NCAM2: variants seen among roughly 807,000 people sequenced by gnomAD.
NCAM2 encodes N-CAM-2.
Under a neutral mutation model 98.1 loss-of-function variants are expected in NCAM2, and 30 were observed. That is an observed-to-expected ratio of 0.31 (90% CI 0.23 to 0.41). NCAM2 has a LOEUF of 0.41. NCAM2 is among the 10% of genes least tolerant of loss of function. The pLI, the probability that NCAM2 is intolerant of heterozygous loss-of-function variation, is 1.00. For missense variants in NCAM2, 867 were observed against 1,005.8 expected, an observed-to-expected ratio of 0.86 and a Z score of 1.87; for synonymous variants, 368 against 342.4, an observed-to-expected ratio of 1.07 and a Z score of -0.83.
intron 1 of NCAM2, among the ~76,000 whole-genome samples, chr21:21,244,253 G>T (rs922087846): frequency 3.9e-5 from 6 of 151,984 alleles, no homozygotes; most frequent in African/African-American, 1.4e-4. Context: ...ACCTTTTGTT[G>T]CTCCCAAGAA....
chr21:21,465,762 G>T (rs920004536), intron 12 of NCAM2, among the ~76,000 whole-genome samples: 2 of 151,894 alleles, frequency 1.3e-5, no homozygotes, highest in African/African-American at 4.8e-5. Context: ...TTTTCATCAA[G>T]ATATTGTTAT....
chr21:21,081,198 C>T (rs2146405118), intron 1 of NCAM2, among the ~76,000 whole-genome samples: 1 of 152,200 alleles, frequency 6.6e-6, no homozygotes, highest in South Asian at 2.1e-4. Flanking sequence ...CGGCTGAATG[C>T]TCCTAGGAGG....
At chr21:21,369,964 C>A (rs2075877968) in intron 8 of NCAM2, among the ~76,000 whole-genome samples, 1 of 151,596 alleles carries the variant, frequency 6.6e-6, no homozygotes, top group African/African-American at 2.4e-5. Context: ...ACTCATGCAA[C>A]TGCACAGATT....
chr21:21,194,752 G>T (rs879747780), intron 1 of NCAM2, among the ~76,000 whole-genome samples: 1 of 151,874 alleles, frequency 6.6e-6, no homozygotes, highest in African/African-American at 2.4e-5. Context: ...TTTTTTCAAG[G>T]TATACAATGG....
intron 5 of NCAM2, among the ~76,000 whole-genome samples, chr21:21,309,382 A>G (rs2073977575): frequency 1.3e-5 from 2 of 152,068 alleles, no homozygotes; most frequent in South Asian, 4.1e-4. Context: ...AGCTTTGTTA[A>G]GTTTGATCAG....
chr21:21,215,789 C>G (rs1279098097), intron 1 of NCAM2, among the ~76,000 whole-genome samples: 1 of 151,716 alleles, frequency 6.6e-6, no homozygotes, highest in Non-Finnish European at 1.5e-5. Context: ...TGCATGCATG[C>G]CTGTGTGTAT....
At chr21:21,356,272 A>C (rs537097414) in intron 8 of NCAM2, among the ~76,000 whole-genome samples, 1 of 152,194 alleles carries the variant, frequency 6.6e-6, no homozygotes, top group Non-Finnish European at 1.5e-5. Flanking sequence ...ATTCTCAGTT[A>C]TATTATTCTT....
intron 1 of NCAM2, among the ~76,000 whole-genome samples, chr21:21,121,341 C>T (rs1439722562): frequency 6.6e-6 from 1 of 152,102 alleles, no homozygotes; most frequent in East Asian, 1.9e-4. Context: ...TAAGACAGTA[C>T]CATAATCTCT....
intron 8 of NCAM2, among the ~76,000 whole-genome samples, chr21:21,341,910 A>T (rs2075050948): frequency 6.6e-6 from 1 of 152,152 alleles, no homozygotes; most frequent in African/African-American, 2.4e-5. Context: ...GATAACCTTG[A>T]CTGAGGGGGA....
At chr21:21,431,293 TAG>T (rs2077338024) in intron 11 of NCAM2, among the ~76,000 whole-genome samples, 1 of 145,422 alleles carries the variant, frequency 6.9e-6, no homozygotes, top group Non-Finnish European at 1.5e-5. Context: ...GTTTCTGGAG[TAG>T]AGTTTTCAAA....
At chr21:21,484,820 T>G (rs190989832) in intron 15 of NCAM2, among the ~76,000 whole-genome samples, 3 of 152,294 alleles carry the variant, frequency 2.0e-5, no homozygotes, top group Non-Finnish European at 4.4e-5. Flanking sequence ...CTGCATAACA[T>G]ACTTTATTCT....
At chr21:21,215,898 G>A (rs2069880821) in intron 1 of NCAM2, among the ~76,000 whole-genome samples, 1 of 152,054 alleles carries the variant, frequency 6.6e-6, no homozygotes, top group African/African-American at 2.4e-5. Context: ...ACTTGGATGG[G>A]AAAATATATA....
chr21:21,482,248 A>T (rs1311460075), intron 15 of NCAM2, among the ~76,000 whole-genome samples: 2 of 152,184 alleles, frequency 1.3e-5, no homozygotes, highest in African/African-American at 4.8e-5. Context: ...AAAGGCTGTG[A>T]TGATGGGGAA....
At position 21,131,354 on chromosome 21, in the gene NCAM2, A is replaced by T. The variant is rs146043554; in HGVS notation, c.55+132736A>T. On this transcript the variant is annotated intron_variant, in intron 1 of 17. Transcript: ENST00000400546. The stretch of plus-strand genomic sequence containing the variant: ...AATGGCATGATCTCAGCTCACTGCA[A>T]CCTCCACCTCCTGGGTTCAAGGGAG... Among the ~76,000 whole-genome samples the T allele has an allele frequency of 4.5e-3, 687 of 151,982 alleles. 15 individuals are homozygous for T. In the South Asian group the frequency reaches 0.055, roughly 12 times the overall value.
At chr21:21,365,116 A>G (rs577198559) in intron 8 of NCAM2, among the ~76,000 whole-genome samples, 11 of 152,238 alleles carry the variant, frequency 7.2e-5, no homozygotes, top group African/African-American at 2.6e-4. Context: ...GAATTCGCAC[A>G]GTGGGGTAGC....
chr21:21,529,217 A>T (rs1449566004), intron 16 of NCAM2, among the ~76,000 whole-genome samples: 1 of 152,084 alleles, frequency 6.6e-6, no homozygotes, highest in Non-Finnish European at 1.5e-5. Flanking sequence ...CCGCTCCTCA[A>T]TTTTAGCTAT....
At chr21:21,436,068 A>G (rs1420187332) in intron 12 of NCAM2, among the ~76,000 whole-genome samples, 2 of 152,234 alleles carry the variant, frequency 1.3e-5, no homozygotes, top group African/African-American at 4.8e-5. Flanking sequence ...TTTTGTAAAG[A>G]CATAGTAAAG....
At position 21,528,924 on chromosome 21, in the gene NCAM2, G is replaced by A. The variant is rs1486740252; in HGVS notation, c.2283-5613G>A. 2.6e-5 allele frequency among the ~76,000 whole-genome samples: 4 copies of A among 152,134 alleles called. No homozygotes were observed. In the East Asian group the frequency reaches 7.7e-4, roughly 29 times the overall value. Reference sequence around the variant, plus strand: ...TAACTTCAAATATTCCAGAAAAGAAGTTATATACTTCAGCACTTTATTTCT... The same window carrying A: ...TAACTTCAAATATTCCAGAAAAGAAATTATATACTTCAGCACTTTATTTCT... On this transcript the variant is annotated intron_variant, in intron 16 of 17. Coordinates refer to ENST00000400546, the MANE Select transcript of NCAM2 (RefSeq NM_004540.5).
rs558864060 is a variant in NCAM2, at chr21:21,015,629, A to G, written c.55+17011A>G. Among the ~76,000 whole-genome samples the G allele has an allele frequency of 8.7e-4, 133 of 152,264 alleles. 2 individuals carry two copies. Among genetic ancestry groups the G allele is most frequent in the African/African-American group, 3.1e-3 (130 of 41,556 alleles). ...TGTGTTACTTAGTTTATTGTGATATATGCTTTATTGTATTCTGGACTCAAA... is the reference window on the plus strand; with the variant it reads ...TGTGTTACTTAGTTTATTGTGATATGTGCTTTATTGTATTCTGGACTCAAA... On this transcript the variant is annotated intron_variant, in intron 1 of 17. Coordinates refer to ENST00000400546, the MANE Select transcript of NCAM2 (RefSeq NM_004540.5).
Sources: allele counts gnomAD v4.1 joint callset (sites outside exome capture counted in the v4.1 genomes callset), GRCh38; gene constraint gnomAD v4.1.1; transcripts MANE v1.5; gene names NCBI Gene and HGNC (gene_info 2026-07-23, HGNC 2026-07-21).